The following MAGI2 variants were observed in gnomAD, a reference collection of about 807,000 sequenced individuals.
The protein encoded by MAGI2 is membrane-associated guanylate kinase, WW and PDZ domain-containing protein 2.
Under a neutral mutation model 133.3 loss-of-function variants are expected in MAGI2, and 35 were observed. The ratio of observed to expected loss-of-function variants is 0.26; its 90% CI spans 0.20 to 0.35. The LOEUF (loss-of-function observed/expected upper bound fraction) is 0.35. Among genes scored for constraint, MAGI2 ranks in the 10% least tolerant of loss-of-function variants. The pLI, the probability that MAGI2 is intolerant of heterozygous loss-of-function variation, is 1.00. For synonymous variants in MAGI2, 729 were observed against 710.6 expected, an observed-to-expected ratio of 1.03 and a Z score of -0.41; for missense variants, 1,636 against 1,863.4, an observed-to-expected ratio of 0.88 and a Z score of 2.25.
intron 3 of MAGI2, among the ~76,000 whole-genome samples, chr7:78,529,867 AAGT>A (rs1322305247): frequency 6.6e-6 from 1 of 150,956 alleles, no homozygotes; most frequent in Non-Finnish European, 1.5e-5. Flanking sequence ...AAAAATGTGA[AAGT>A]AATTTTAATA....
At chr7:79,101,723 C>CAAAAAAA (rs376256842) in intron 1 of MAGI2, among the ~76,000 whole-genome samples, 29 of 112,286 alleles carry the variant, frequency 2.6e-4, no homozygotes, top group South Asian at 6.4e-4. Context: ...GACTCTGTCA[C>CAAAAAAA]AAAAAAAAAA....
chr7:78,907,140 T>G (rs575842254), intron 2 of MAGI2, among the ~76,000 whole-genome samples: 2 of 152,272 alleles, frequency 1.3e-5, no homozygotes, highest in East Asian at 1.9e-4. Flanking sequence ...GGAGAAACCC[T>G]GGGTAGAGAA....
At chr7:78,508,205 A>G (rs543102767) in intron 4 of MAGI2, among the ~76,000 whole-genome samples, 1 of 151,964 alleles carries the variant, frequency 6.6e-6, no homozygotes, top group East Asian at 1.9e-4. Flanking sequence ...TATATCTGCA[A>G]TGATCATATT....
chr7:78,138,625 T>TCACACATACACACACACACACA (rs1491145483), intron 16 of MAGI2, among the ~76,000 whole-genome samples: 13 of 129,500 alleles, frequency 1.0e-4, no homozygotes, highest in East Asian at 2.3e-4. Context: ...AAACATAGAT[T>TCACACATACACACACACACACA]CACACACACA....
chr7:78,915,505 C>G (rs968342485), intron 2 of MAGI2, among the ~76,000 whole-genome samples: 4 of 152,044 alleles, frequency 2.6e-5, no homozygotes, highest in Non-Finnish European at 5.9e-5. Context: ...AAAACCTACT[C>G]TAAGTCCCTT....
rs527295079 is a variant in MAGI2, at chr7:79,400,370, A to T, written c.301+52650T>A. ...GAAAATCAATTATGCTTTGAAGAGTAATCATTCTATTTTTTTATCCAAAAA... is the reference window on the plus strand; with the variant it reads ...GAAAATCAATTATGCTTTGAAGAGTTATCATTCTATTTTTTTATCCAAAAA... On this transcript the variant is annotated intron_variant, in intron 1 of 21. Coordinates refer to ENST00000354212, the MANE Select transcript of MAGI2 (RefSeq NM_012301.4). Among the ~76,000 whole-genome samples, 14 of 152,312 alleles carry T rather than the reference A, an allele frequency of 9.2e-5. No individual in the cohort carries two copies. The East Asian group carries it at 2.7e-3, about 29-fold the overall frequency.
intron 2 of MAGI2, among the ~76,000 whole-genome samples, chr7:78,729,104 C>T (rs916262143): frequency 1.3e-5 from 2 of 152,020 alleles, no homozygotes; most frequent in Non-Finnish European, 2.9e-5. Flanking sequence ...TAAGTCTTTA[C>T]AATGTGTTAG....
intron 1 of MAGI2, chr7:79,177,063 C>T (rs1248448852): frequency 6.6e-6 from 1 of 151,986 alleles, no homozygotes; most frequent in East Asian, 1.9e-4. Context: ...CTCTTTGCTG[C>T]CCTCTGTAGA....
At chr7:79,229,107 T>G (rs1264117501) in intron 1 of MAGI2, among the ~76,000 whole-genome samples, 1 of 149,622 alleles carries the variant, frequency 6.7e-6, no homozygotes, top group East Asian at 2.0e-4. Context: ...GAGCCAAAAA[T>G]AAGACTTAAT....
At chr7:78,902,192 T>C (rs1797663525) in intron 2 of MAGI2, among the ~76,000 whole-genome samples, 1 of 152,170 alleles carries the variant, frequency 6.6e-6, no homozygotes, top group African/African-American at 2.4e-5. Flanking sequence ...TGCTCCAAAA[T>C]GATGTTTAGT....
intron 3 of MAGI2, among the ~76,000 whole-genome samples, chr7:78,525,809 C>T (rs1404163658): frequency 6.6e-6 from 1 of 152,228 alleles, no homozygotes; most frequent in African/African-American, 2.4e-5. Context: ...ACTATTACTA[C>T]TGTTATTACC....
chr7:78,573,263 A>AATATATATATTT (rs1362030877), intron 3 of MAGI2, among the ~76,000 whole-genome samples: 2 of 15,678 alleles, frequency 1.3e-4, no homozygotes, highest in African/African-American at 4.7e-4. Context: ...TATAAATATA[A>AATATATATATTT]ATATATATAA....
intron 2 of MAGI2, among the ~76,000 whole-genome samples, chr7:78,692,113 A>C (rs1019478983): frequency 1.3e-5 from 2 of 152,200 alleles, no homozygotes; most frequent in African/African-American, 4.8e-5. Context: ...GCATTTGAAG[A>C]GCTGAAAGTT....
chr7:79,022,185 C>T (rs1809397752), intron 1 of MAGI2, among the ~76,000 whole-genome samples: 1 of 151,886 alleles, frequency 6.6e-6, no homozygotes. Flanking sequence ...CTAATACAGA[C>T]CAAAATGCAG....
At chr7:79,334,472 T>G (rs963392869) in intron 1 of MAGI2, among the ~76,000 whole-genome samples, 8 of 152,174 alleles carry the variant, frequency 5.3e-5, no homozygotes, top group Admixed American at 1.3e-4. Flanking sequence ...GATCTCTGCA[T>G]AATCCAGTTA....
chr7:79,347,591 T>C (rs1841414689), intron 1 of MAGI2, among the ~76,000 whole-genome samples: 1 of 151,898 alleles, frequency 6.6e-6, no homozygotes, highest in South Asian at 2.1e-4. Flanking sequence ...TTTCATCTTA[T>C]ACTTCTTCCT....
chr7:78,615,841 A>G (rs1211963523), intron 3 of MAGI2: 1 of 152,154 alleles, frequency 6.6e-6, no homozygotes, highest in Non-Finnish European at 1.5e-5. Context: ...TAAAATACAC[A>G]TTTTCAGGTT....
intron 1 of MAGI2, among the ~76,000 whole-genome samples, chr7:79,222,439 A>G (rs561030467): frequency 5.3e-5 from 8 of 152,218 alleles, no homozygotes; most frequent in Middle Eastern, 3.4e-3. Context: ...CCTAGGACCA[A>G]GGAAAACAGA....
chr7:78,784,431 A>C (rs2151349865), intron 2 of MAGI2, among the ~76,000 whole-genome samples: 1 of 152,230 alleles, frequency 6.6e-6, no homozygotes, highest in Admixed American at 6.5e-5. Flanking sequence ...GGTCATAGAA[A>C]CCAGAACCCC....
Sources: allele counts gnomAD v4.1 joint callset (sites outside exome capture counted in the v4.1 genomes callset), GRCh38; gene constraint gnomAD v4.1.1; transcripts MANE v1.5; gene names NCBI Gene and HGNC (gene_info 2026-07-23, HGNC 2026-07-21).